Variants in TECTA observed in about 807,000 individuals in gnomAD.
The protein encoded by TECTA is tectorin alpha.
In TECTA, 128 loss-of-function variants were observed where a neutral mutation model predicts 216.8. That is an observed-to-expected ratio of 0.59 (90% confidence interval 0.51 to 0.68). TECTA has a LOEUF of 0.68. Ranked by LOEUF, TECTA falls within the 30% of genes least tolerant of loss-of-function variation. The pLI is 0.00. For synonymous variants in TECTA, 1,089 were observed against 1,117.1 expected (o/e 0.97, Z 0.50); for missense variants, 2,551 against 2,786.2 (o/e 0.92, Z 1.90).
chr11:121,181,265 G>A (rs1004812982), intron 20 of TECTA, among the ~76,000 whole-genome samples: 35 of 152,148 alleles, frequency 2.3e-4, no homozygotes, highest in African/African-American at 8.2e-4. Context: ...CAAAATTTCT[G>A]TTTGGTTCTT....
chr11:121,166,437 A>G (rs1331610191), intron 17 of TECTA, 141 bp from the exon 18 acceptor site: 9 of 833,130 alleles, frequency 1.1e-5, no homozygotes, highest in Non-Finnish European at 1.8e-5. Flanking sequence ...GGTTTGATCA[A>G]AGCATAATTA....
intron 15 of TECTA, among the ~76,000 whole-genome samples, chr11:121,160,803 T>A (rs1261892839): frequency 2.6e-5 from 4 of 152,182 alleles, no homozygotes; most frequent in African/African-American, 9.7e-5. Context: ...ACTCCCTTAA[T>A]GCTGGGTCTA....
intron 3 of TECTA, among the ~76,000 whole-genome samples, chr11:121,106,917 G>A (rs529861985): frequency 8.0e-4 from 122 of 152,310 alleles, no homozygotes; most frequent in African/African-American, 2.0e-3. Context: ...AGAAACTCTG[G>A]GAGGAGGAGC....
Position 121,190,585 on chromosome 11 carries a change from T to C in TECTA, c.6368-121T>C, listed in dbSNP as rs1947331483. On this transcript the variant is annotated intron_variant, in intron 23 of 23. Transcript: ENST00000392793. ...CTTTGCTGCCTTAGGGCCATTTAGG[T>C]AAAATGGGTTCTTGGCAATGAAGTT... 5 of 777,494 alleles carry C rather than the reference T, an allele frequency of 6.4e-6. No individual in the cohort carries two copies. In the South Asian group the frequency reaches 7.3e-5, roughly 11 times the overall value. 48.2% of individuals were successfully genotyped at this position (777,494 alleles called of 1,614,324 possible).
intron 11 of TECTA, among the ~76,000 whole-genome samples, chr11:121,140,613 GGCA>G (rs1946774940): frequency 6.6e-6 from 1 of 152,170 alleles, no homozygotes; most frequent in South Asian, 2.1e-4. Flanking sequence ...AAGTCAAGGT[GGCA>G]GCAGGTTCAC....
In TECTA at chr11:121,113,819, C is replaced by T; in HGVS notation, c.790+101C>T. 1.5e-6 allele frequency: 2 copies of T among 1,376,468 alleles called. No individual in the cohort carries two copies. Among genetic ancestry groups the T allele is most frequent in the Non-Finnish European group, 1.0e-6 (1 of 983,374 alleles). The allele number at this position is 1,376,468 out of a possible 1,614,324, so 85.3% of individuals were successfully genotyped here. ...GGGCGGACTCATTCCTGATGCCTTACTCTTTTGACATCTCTCCGCTGGGTA... is the reference window on the plus strand; with the variant it reads ...GGGCGGACTCATTCCTGATGCCTTATTCTTTTGACATCTCTCCGCTGGGTA... On this transcript the variant is annotated intron_variant, in intron 6 of 23. Transcript: ENST00000392793. The surrounding 1 kb of genome is among the most constrained non-coding windows in gnomAD (Gnocchi z 4.2).
chr11:121,156,905 A>G (rs1716016824), intron 13 of TECTA, among the ~76,000 whole-genome samples: 1 of 152,202 alleles, frequency 6.6e-6, no homozygotes, highest in Non-Finnish European at 1.5e-5. Context: ...ATTGAAACCC[A>G]GGTGGTCTGA....
rs566536252 is a variant in TECTA, at chr11:121,138,114, G to A, written c.3543+92G>A. The A allele has an allele frequency of 2.8e-5, 43 of 1,561,024 alleles. No individual in the cohort carries two copies. In the East Asian group the frequency reaches 4.4e-4, roughly 16 times the overall value. On this transcript the variant is annotated intron_variant, in intron 11 of 23. Coordinates refer to ENST00000392793, the MANE Select transcript of TECTA (RefSeq NM_005422.4). Reference sequence around the variant, plus strand: ...GGCTGCAGCTGAATCAGGCAGGTCCGGAATCCAAAGAAAATCTTAGTATAT... The same window carrying A: ...GGCTGCAGCTGAATCAGGCAGGTCCAGAATCCAAAGAAAATCTTAGTATAT...
chr11:121,186,247 T>C (rs1326975354), intron 20 of TECTA, among the ~76,000 whole-genome samples: 4 of 152,240 alleles, frequency 2.6e-5, no homozygotes, highest in Non-Finnish European at 4.4e-5. Context: ...CAGTTGTTTC[T>C]CTCCAGCTGT....
chr11:121,102,923 T>C (rs535014231), intron 2 of TECTA, among the ~76,000 whole-genome samples, 194 bp downstream of exon 2: 39 of 152,344 alleles, frequency 2.6e-4, no homozygotes, highest in African/African-American at 9.1e-4. Context: ...ATTCCCACTT[T>C]TTTCTTATTT....
rs768282241 is a variant in TECTA at position 121,166,808 on chromosome 11, T to C, written c.5586+28T>C. 5 of 1,611,948 alleles carry C rather than the reference T, an allele frequency of 3.1e-6. No individual in the cohort carries two copies. In the Admixed American group the frequency reaches 8.3e-5, roughly 27 times the overall value. ...GAGAAAAGCAGCAGGAAAGAGCACCTGGCAGAGGCAGCGACAGCTTCGAGT... is the reference window on the plus strand; with the variant it reads ...GAGAAAAGCAGCAGGAAAGAGCACCCGGCAGAGGCAGCGACAGCTTCGAGT... On this transcript the variant is annotated intron_variant, in intron 18 of 23. Coordinates refer to ENST00000392793, the MANE Select transcript of TECTA (RefSeq NM_005422.4).
chr11:121,142,351 C>T (rs903556561), intron 11 of TECTA, among the ~76,000 whole-genome samples: 1 of 152,194 alleles, frequency 6.6e-6, no homozygotes, highest in African/African-American at 2.4e-5. Flanking sequence ...TGCCTCTGAG[C>T]TCCCTCTTTT....
chr11:121,137,483 A>G lies in TECTA; in HGVS notation c.3004A>G (p.Thr1002Ala), dbSNP rs1234165324. ...CATCACATGTACAGAGACCTGTGAGACCCTTACCCTGGGCCCCATCTGCGT... is the reference window on the plus strand; with the variant it reads ...CATCACATGTACAGAGACCTGTGAGGCCCTTACCCTGGGCCCCATCTGCGT... ...ECITCTETCE[T>A]LTLGPICVDS... Residue 1002 changes from threonine to alanine, a missense_variant, in exon 11 of 24, where the codon ACC (threonine) becomes GCC (alanine). Transcript: ENST00000392793. 6.2e-7 allele frequency: 1 copy of G among 1,613,742 alleles called. No homozygotes were observed. Among genetic ancestry groups the G allele is most frequent in the Non-Finnish European group, 8.5e-7 (1 of 1,179,948 alleles).
Position 121,119,976 on chromosome 11 carries a change from T to C in TECTA, c.1203+1258T>C, listed in dbSNP as rs150571086. Among the ~76,000 whole-genome samples, 1,035 of 152,366 alleles carry C rather than the reference T, an allele frequency of 6.8e-3. 16 individuals are homozygous for C. The highest frequency in any genetic ancestry group is 0.022 in the African/African-American group (924 of 41,576). ...TTTCCCTTTTAAATTTATATTGTGCTGTTGAGCACTATACTTATCCTTGTA... is the reference window on the plus strand; with the variant it reads ...TTTCCCTTTTAAATTTATATTGTGCCGTTGAGCACTATACTTATCCTTGTA... On this transcript the variant is annotated intron_variant, in intron 7 of 23. Coordinates refer to ENST00000392793, the MANE Select transcript of TECTA (RefSeq NM_005422.4).
Position 121,109,196 on chromosome 11 carries a change from C to G in TECTA, c.199-15C>G. On this transcript the variant is annotated splice_polypyrimidine_tract_variant and intron_variant, in intron 3 of 23. Transcript: ENST00000392793. ...GTTTCAGATCCACTGTGCAAAACCT[C>G]TCTTATTTTCGTAGGTCAATAACAA... is the stretch of plus-strand genomic sequence containing the variant. The G allele has an allele frequency of 6.2e-7, 1 of 1,614,030 alleles. No homozygotes were observed. The highest frequency in any genetic ancestry group is 8.5e-7 in the Non-Finnish European group (1 of 1,179,996).
intron 7 of TECTA, among the ~76,000 whole-genome samples, chr11:121,122,408 C>T (rs543730946): frequency 6.6e-6 from 1 of 152,288 alleles, no homozygotes; most frequent in East Asian, 1.9e-4. Context: ...ACTTCCCAGC[C>T]TCCAGAACTG....
chr11:121,165,376 T>C lies in TECTA; in HGVS notation c.5376T>C (p.Tyr1792=). 1 of 1,585,490 alleles carries C rather than the reference T, an allele frequency of 6.3e-7. No homozygotes were observed. The highest frequency in any genetic ancestry group is 8.6e-7 in the Non-Finnish European group (1 of 1,165,112). ...ELCGCIEPPP[Y]GNNSHDIIDA... is the part of the protein sequence containing the mutation. The stretch of plus-strand genomic sequence containing the variant: ...GTGGCTGCATCGAGCCACCCCCCTA[T>C]GGAAATAGTGAGTGACATGGGCCAC... Residue 1792 remains tyrosine, a synonymous_variant, in exon 17 of 24, where the codon TAT becomes TAC. Coordinates refer to ENST00000392793, the MANE Select transcript of TECTA (RefSeq NM_005422.4).
intron 11 of TECTA, among the ~76,000 whole-genome samples, chr11:121,144,024 G>T (rs1417431630): frequency 6.6e-6 from 1 of 152,184 alleles, no homozygotes; most frequent in African/African-American, 2.4e-5. Flanking sequence ...GCCCATAGAC[G>T]CAGGGCCTGG....
chr11:121,126,758 G>A (rs900050747), intron 8 of TECTA, among the ~76,000 whole-genome samples: 8 of 152,198 alleles, frequency 5.3e-5, no homozygotes, highest in Admixed American at 1.3e-4. Context: ...ATTCTTAAGA[G>A]TTTTGGTCAA....
Sources: gnomAD v4.1 joint callset for allele counts (sites outside exome capture counted in the v4.1 genomes callset) on GRCh38, gnomAD v4.1.1 for gene constraint, Gnocchi (gnomAD v3.1) non-coding constraint, MANE v1.5 for transcripts, NCBI Gene and HGNC (gene_info 2026-07-23, HGNC 2026-07-21) for gene names.